SAMD3: variants seen among roughly 807,000 people sequenced by gnomAD.
SAMD3 encodes the protein sterile alpha motif domain containing 3, also known as sterile alpha motif domain-containing protein 3.
In SAMD3, 63 loss-of-function variants were observed where a neutral mutation model predicts 58.5. That is an observed-to-expected ratio of 1.08 (90% CI 0.88 to 1.33). The LOEUF is 1.33. SAMD3 is among the 40% of genes most tolerant of loss of function. The pLI is 0.00. For missense variants in SAMD3, 604 were observed against 608.4 expected (o/e 0.99, Z 0.08); for synonymous variants, 220 against 210.3 (o/e 1.05, Z -0.40).
chr6:130,194,458 T>C (rs1345582064), intron 5 of SAMD3, among the ~76,000 whole-genome samples: 1 of 152,214 alleles, frequency 6.6e-6, no homozygotes, highest in African/African-American at 2.4e-5. Flanking sequence ...TTAATTAACC[T>C]CACCTTCAAG....
intron 4 of SAMD3, among the ~76,000 whole-genome samples, chr6:130,210,869 C>G (rs1216840679): frequency 1.3e-5 from 2 of 151,930 alleles, no homozygotes; most frequent in Non-Finnish European, 2.9e-5. Context: ...ACCTGTAATC[C>G]CAGCACTTTG....
intron 2 of SAMD3, among the ~76,000 whole-genome samples, chr6:130,289,738 C>T (rs1157773542): frequency 1.3e-5 from 2 of 152,162 alleles, no homozygotes; most frequent in Non-Finnish European, 2.9e-5. Context: ...GACCTCAAGC[C>T]ATCCACCTCC....
chr6:130,318,635 G>C (rs1008070812), intron 1 of SAMD3, among the ~76,000 whole-genome samples: 1 of 152,046 alleles, frequency 6.6e-6, no homozygotes, highest in Admixed American at 6.5e-5. Flanking sequence ...CACTATGTTG[G>C]CTAGGCTGGT....
intron 2 of SAMD3, among the ~76,000 whole-genome samples, chr6:130,285,225 G>A (rs1322659212): frequency 2.0e-5 from 3 of 152,196 alleles, no homozygotes; most frequent in Non-Finnish European, 2.9e-5. Flanking sequence ...TTGAAGAGAT[G>A]TGGGCTGAAA....
At chr6:130,216,908 A>G (rs1796033061) in intron 1 of SAMD3, among the ~76,000 whole-genome samples, 1 of 152,232 alleles carries the variant, frequency 6.6e-6, no homozygotes, top group Non-Finnish European at 1.5e-5. Context: ...GGGAAAAAAT[A>G]GAAAATAGAG....
intron 2 of SAMD3, among the ~76,000 whole-genome samples, chr6:130,301,741 CA>C (rs1228783156): frequency 2.0e-5 from 3 of 151,882 alleles, no homozygotes; most frequent in Non-Finnish European, 4.4e-5. Flanking sequence ...AACAAACAAA[CA>C]AAAACCAGAC....
At chr6:130,167,633 G>A (rs1265187049) in intron 8 of SAMD3, among the ~76,000 whole-genome samples, 1 of 152,194 alleles carries the variant, frequency 6.6e-6, no homozygotes, top group Middle Eastern at 3.4e-3. Flanking sequence ...ATAAATACAC[G>A]ATGAGGTACA....
intron 2 of SAMD3, among the ~76,000 whole-genome samples, chr6:130,274,151 G>C (rs1253513445): frequency 1.3e-5 from 2 of 151,970 alleles, no homozygotes; most frequent in African/African-American, 4.8e-5. Context: ...AGTTTTGCTG[G>C]GTATCGTATT....
intron 8 of SAMD3, among the ~76,000 whole-genome samples, chr6:130,169,646 G>C (rs1256704506): frequency 6.6e-6 from 1 of 152,160 alleles, no homozygotes. Flanking sequence ...GACCATAGCA[G>C]GGTTCATCTT....
At chr6:130,227,644 C>T (rs1230217008), upstream of SAMD3, among the ~76,000 whole-genome samples, 3 of 152,008 alleles carry the variant, frequency 2.0e-5, no homozygotes, top group East Asian at 1.9e-4. Context: ...AAACATTAGC[C>T]GGGCATGGTG....
At chr6:130,211,875 T>A (rs1294765287) in intron 4 of SAMD3, among the ~76,000 whole-genome samples, 2 of 150,106 alleles carry the variant, frequency 1.3e-5, no homozygotes, top group Non-Finnish European at 3.0e-5. Flanking sequence ...TTAAAGGGAA[T>A]CTGTACTCAA....
At chr6:130,297,576 T>A (rs78657870) in intron 2 of SAMD3, among the ~76,000 whole-genome samples, 4,787 of 152,184 alleles carry the variant, frequency 0.031, 251 homozygotes, top group African/African-American at 0.11. Context: ...GAATTCAAAA[T>A]ATAAATTGCA....
intron 1 of SAMD3, among the ~76,000 whole-genome samples, chr6:130,221,985 A>G (rs907173130): frequency 6.6e-6 from 1 of 152,224 alleles, no homozygotes; most frequent in East Asian, 1.9e-4. Flanking sequence ...ATTAGCAAGA[A>G]TGCAAGGTCA....
intron 2 of SAMD3, among the ~76,000 whole-genome samples, chr6:130,289,496 A>AT (rs202044153): frequency 0.25 from 38,136 of 151,184 alleles, 5,216 homozygotes; most frequent in East Asian, 0.44. Context: ...TAAAGAAAAA[A>AT]AAATATATAT....
At chr6:130,310,101 T>C (rs914531320) in intron 2 of SAMD3, among the ~76,000 whole-genome samples, 21 of 152,196 alleles carry the variant, frequency 1.4e-4, no homozygotes, top group Admixed American at 8.5e-4. Context: ...TGTACACTCA[T>C]GGTTTCTCTA....
intron 5 of SAMD3, among the ~76,000 whole-genome samples, chr6:130,203,488 C>T (rs1453172327): frequency 6.6e-6 from 1 of 152,166 alleles, no homozygotes; most frequent in East Asian, 1.9e-4. Context: ...TTACTGCTCT[C>T]CCAGACCATC....
At chr6:130,287,860 G>A (rs754954912) in intron 2 of SAMD3, among the ~76,000 whole-genome samples, 5 of 151,430 alleles carry the variant, frequency 3.3e-5, no homozygotes, top group African/African-American at 4.9e-5. Context: ...CAGGAGAATC[G>A]CTTGAACCCG....
intron 2 of SAMD3, among the ~76,000 whole-genome samples, chr6:130,235,435 A>T (rs73603960): frequency 0.019 from 2,853 of 152,288 alleles, 78 homozygotes; most frequent in African/African-American, 0.064. Context: ...TGGCTTTTTC[A>T]ATGATGTAAT....
chr6:130,312,731 T>G (rs1776219204), intron 2 of SAMD3, among the ~76,000 whole-genome samples: 1 of 152,242 alleles, frequency 6.6e-6, no homozygotes. Context: ...TGCCTTGTTT[T>G]GTTGAAACCT....
Sources: gnomAD v4.1 joint callset for allele counts (sites outside exome capture counted in the v4.1 genomes callset) on GRCh38, gnomAD v4.1.1 for gene constraint, MANE v1.5 for transcripts, NCBI Gene and HGNC (gene_info 2026-07-23, HGNC 2026-07-21) for gene names.